NTSR1: variants seen among roughly 807,000 people sequenced by gnomAD.
NTSR1 encodes the protein neurotensin receptor type 1.
Under a neutral mutation model 31.2 loss-of-function variants are expected in NTSR1, and 29 were observed. The observed-to-expected ratio is 0.93, with a 90% CI of 0.69 to 1.27. The LOEUF is 1.27. NTSR1 is among the 50% of genes most tolerant of loss of function. The pLI is 0.00. For synonymous variants in NTSR1, 282 were observed against 269.9 expected (o/e 1.04, Z -0.44); for missense variants, 697 against 595.4 (o/e 1.17, Z -1.78).
chr20:62,760,736 G>A lies in NTSR1; in HGVS notation c.*469G>A, dbSNP rs750678523. ...GGGGAGTCCAGCCCCAGTCCCGCAGGCTCCGTGGCTTTGGGCCTCACGTGC... is the reference window on the plus strand; with the variant it reads ...GGGGAGTCCAGCCCCAGTCCCGCAGACTCCGTGGCTTTGGGCCTCACGTGC... On this transcript the variant is annotated 3_prime_UTR_variant, in exon 4 of 4. Coordinates refer to ENST00000370501, the MANE Select transcript of NTSR1 (RefSeq NM_002531.3). 7 of 152,418 alleles carry A rather than the reference G, an allele frequency of 4.6e-5. No homozygotes were observed. The highest frequency in any genetic ancestry group is 1.9e-4 in the South Asian group (1 of 5,154). The allele number at this position is 152,418 out of a possible 1,614,324, so 9.4% of individuals were successfully genotyped here. A position where few individuals can be genotyped will look rare whatever the true frequency, so the allele number is the denominator to read the frequency against.
chr20:62,740,885 CG>C (rs1989193581), intron 1 of NTSR1, among the ~76,000 whole-genome samples: 1 of 152,236 alleles, frequency 6.6e-6, no homozygotes, highest in African/African-American at 2.4e-5. Flanking sequence ...CAGCCTCAAC[CG>C]CTGGCTGTCA....
chr20:62,750,343 T>C (rs1004438879), intron 1 of NTSR1, among the ~76,000 whole-genome samples: 2 of 152,140 alleles, frequency 1.3e-5, no homozygotes, highest in Admixed American at 1.3e-4. Flanking sequence ...GTTTCAGTTA[T>C]AAGGCGAGTA....
At chr20:62,719,277 T>C (rs1464940374) in intron 1 of NTSR1, among the ~76,000 whole-genome samples, 1 of 152,222 alleles carries the variant, frequency 6.6e-6, no homozygotes, top group African/African-American at 2.4e-5. Flanking sequence ...TGTCTCATCA[T>C]GTGGCAAGAT....
chr20:62,735,965 T>C (rs542732515), intron 1 of NTSR1, among the ~76,000 whole-genome samples: 9 of 152,388 alleles, frequency 5.9e-5, no homozygotes, highest in African/African-American at 2.2e-4. Context: ...ATTCAGATTC[T>C]GTATTCAACT....
Position 62,760,298 on chromosome 20 carries a change from G to C in NTSR1, c.*31G>C. The C allele has an allele frequency of 6.4e-7, 1 of 1,574,432 alleles. No homozygotes were observed. The highest frequency in any genetic ancestry group is 8.6e-7 in the Non-Finnish European group (1 of 1,159,026). Reference sequence around the variant, plus strand: ...GCGCCCCGGAACGTGTCCAGGAGGAGCCTGGCCATGGGTCCTTGCCCCCGA... The same window carrying C: ...GCGCCCCGGAACGTGTCCAGGAGGACCCTGGCCATGGGTCCTTGCCCCCGA... On this transcript the variant is annotated 3_prime_UTR_variant, in exon 4 of 4. Transcript: ENST00000370501.
chr20:62,722,777 C>T (rs747209754), intron 1 of NTSR1, among the ~76,000 whole-genome samples: 209 of 152,346 alleles, frequency 1.4e-3, no homozygotes, highest in Non-Finnish European at 2.6e-3. Context: ...CTGCCTGATA[C>T]ATCGTGTACA....
Position 62,726,694 on chromosome 20 carries a change from C to CAAAAA in NTSR1, c.714+16784_714+16788dup, listed in dbSNP as rs11445641. ...TGGACGGCAGAGCAGGAACCTGTCT[C>CAAAAA]AAAAAAAAAAAAAAATGGTGGGAAT... is the stretch of plus-strand genomic sequence containing the variant. On this transcript the variant is annotated intron_variant, in intron 1 of 3. Coordinates refer to ENST00000370501, the MANE Select transcript of NTSR1 (RefSeq NM_002531.3). Among the ~76,000 whole-genome samples, 3 of 142,564 alleles carry CAAAAA rather than the reference C, an allele frequency of 2.1e-5. No individual in the cohort carries two copies. The South Asian group carries it at 6.7e-4, about 32-fold the overall frequency. The allele number at this position is 142,564 out of a possible 152,430, so 93.5% of individuals were successfully genotyped here.
At position 62,760,289 on chromosome 20, in the gene NTSR1, C is replaced by A. The variant is rs201891030; in HGVS notation, c.*22C>A. 3 of 1,581,320 alleles carry A rather than the reference C, an allele frequency of 1.9e-6. No individual in the cohort carries two copies. In the African/African-American group the frequency reaches 4.0e-5, roughly 21 times the overall value. On this transcript the variant is annotated 3_prime_UTR_variant, in exon 4 of 4. Coordinates refer to ENST00000370501, the MANE Select transcript of NTSR1 (RefSeq NM_002531.3). ...CTAGGCTGTGCGCCCCGGAACGTGT[C>A]CAGGAGGAGCCTGGCCATGGGTCCT...
At chr20:62,737,497 G>A (rs1160093441) in intron 1 of NTSR1, among the ~76,000 whole-genome samples, 1 of 152,162 alleles carries the variant, frequency 6.6e-6, no homozygotes, top group African/African-American at 2.4e-5. Flanking sequence ...CCTCTGTGGG[G>A]CCACTTGTCC....
intron 1 of NTSR1, among the ~76,000 whole-genome samples, chr20:62,739,003 A>C (rs1351169495): frequency 6.6e-6 from 1 of 152,178 alleles, no homozygotes; most frequent in Middle Eastern, 3.2e-3. Flanking sequence ...TATCTTTTAC[A>C]CACGCGTGTT....
intron 1 of NTSR1, among the ~76,000 whole-genome samples, chr20:62,754,228 T>G (rs1292254266): frequency 6.6e-6 from 1 of 152,186 alleles, no homozygotes; most frequent in Non-Finnish European, 1.5e-5. Flanking sequence ...GAGAACTGTC[T>G]GCACACAGCT....
At position 62,744,220 on chromosome 20, in the gene NTSR1, C is replaced by A. The variant is rs1568707265; in HGVS notation, c.715-10465C>A. 6.6e-6 allele frequency among the ~76,000 whole-genome samples: 1 copy of A among 152,104 alleles called. No homozygotes were observed. The highest frequency in any genetic ancestry group is 1.5e-5 in the Non-Finnish European group (1 of 68,022). Reference sequence around the variant, plus strand: ...CACCCAAGGGAGCACAGTCAGTGCTCCAGGAACTGAGGCAGCACCTCTAGG... The same window carrying A: ...CACCCAAGGGAGCACAGTCAGTGCTACAGGAACTGAGGCAGCACCTCTAGG... On this transcript the variant is annotated intron_variant, in intron 1 of 3. Coordinates refer to ENST00000370501, the MANE Select transcript of NTSR1 (RefSeq NM_002531.3). The surrounding 1 kb of genome is among the most constrained non-coding windows in gnomAD (Gnocchi z 4.1).
rs964686822 is a variant in NTSR1, at chr20:62,710,030, ACTC to A, written c.714+112_714+114del. 7.8e-5 allele frequency: 77 copies of A among 982,722 alleles called. No individual in the cohort carries two copies. The African/African-American group carries it at 1.3e-3, about 16-fold the overall frequency. 60.9% of individuals were successfully genotyped at this position (982,722 alleles called of 1,614,324 possible). A position where few individuals can be genotyped will look rare whatever the true frequency, so the allele number is the denominator to read the frequency against. ...GGGAGAGATGTCACAGAGACAGTCT[ACTC>A]CTGCGAGGCTGGGAAGGCGGTTGGG... On this transcript the variant is annotated intron_variant, in intron 1 of 3. Transcript: ENST00000370501.
At chr20:62,720,631 T>C (rs995061954) in intron 1 of NTSR1, among the ~76,000 whole-genome samples, 1 of 152,156 alleles carries the variant, frequency 6.6e-6, no homozygotes, top group Non-Finnish European at 1.5e-5. Context: ...TCTTTTAGCT[T>C]TCAATTTTAT....
intron 1 of NTSR1, among the ~76,000 whole-genome samples, chr20:62,710,163 G>T (rs1467544914): frequency 6.6e-6 from 1 of 152,232 alleles, no homozygotes; most frequent in African/African-American, 2.4e-5. Context: ...GTTGGTGGCT[G>T]GGCCTCGGAC....
At position 62,741,214 on chromosome 20, in the gene NTSR1, C is replaced by G. The variant is rs541316338; in HGVS notation, c.715-13471C>G. On this transcript the variant is annotated intron_variant, in intron 1 of 3. Transcript: ENST00000370501. The surrounding 1 kb of genome is among the most constrained non-coding windows in gnomAD (Gnocchi z 4.3). ...TGCTAAGTCAGGGGTCTCCCGGCAG[C>G]CAGGCTGCTGCCAGTCCCGCAGCTC... is the stretch of plus-strand genomic sequence containing the variant. Among the ~76,000 whole-genome samples, 8 of 152,072 alleles carry G rather than the reference C, an allele frequency of 5.3e-5. No individual in the cohort carries two copies. The South Asian group carries it at 1.5e-3, about 28-fold the overall frequency.
Position 62,733,996 on chromosome 20 carries a change from G to A in NTSR1, c.715-20689G>A, listed in dbSNP as rs1206844035. ...TTGGGTGCTGAGCCAGCCCAGCTTGGAGGGGGTTTCGTTTCACAGATGAGG... is the reference window on the plus strand; with the variant it reads ...TTGGGTGCTGAGCCAGCCCAGCTTGAAGGGGGTTTCGTTTCACAGATGAGG... On this transcript the variant is annotated intron_variant, in intron 1 of 3. Coordinates refer to ENST00000370501, the MANE Select transcript of NTSR1 (RefSeq NM_002531.3). This position sits in a 1 kb window ranked among gnomAD's most constrained non-coding sequence, Gnocchi z 5.2. Among the ~76,000 whole-genome samples, 1 of 152,234 alleles carries A rather than the reference G, an allele frequency of 6.6e-6. No homozygotes were observed. Among genetic ancestry groups the A allele is most frequent in the Non-Finnish European group, 1.5e-5 (1 of 68,042 alleles).
chr20:62,709,258 C>G lies in NTSR1; in HGVS notation c.51C>G (p.Asp17Glu). The G allele has an allele frequency of 6.5e-7, 1 of 1,539,164 alleles. No individual in the cohort carries two copies. Among genetic ancestry groups the G allele is most frequent in the Non-Finnish European group, 8.7e-7 (1 of 1,149,212 alleles). Reference sequence around the variant, plus strand: ...GAACCCCGGGCACGCCGGCCGCCGACCCCTTCCAGCGGGCGCAGGCCGGAC... The same window carrying G: ...GAACCCCGGGCACGCCGGCCGCCGAGCCCTTCCAGCGGGCGCAGGCCGGAC... ...APGTPGTPAA[D>E]PFQRAQAGLE... is the part of the protein sequence containing the mutation. Residue 17 changes from aspartate (D) to glutamate (E), a missense_variant, in exon 1 of 4, where the codon GAC (aspartate) becomes GAG (glutamate). Asp to Glu is a conservative substitution (Grantham distance 45). Transcript: ENST00000370501.
rs1056133517 is a variant in NTSR1, at chr20:62,711,998, T to C, written c.714+2077T>C. ...CACCCTTGGAGAACGTAGTTTCCATTTTTCTTTAAAGGGCTCAGCTGCGTG... is the reference window on the plus strand; with the variant it reads ...CACCCTTGGAGAACGTAGTTTCCATCTTTCTTTAAAGGGCTCAGCTGCGTG... On this transcript the variant is annotated intron_variant, in intron 1 of 3. Transcript: ENST00000370501. The surrounding 1 kb of genome is among the most constrained non-coding windows in gnomAD (Gnocchi z 6.4). 2.0e-5 allele frequency among the ~76,000 whole-genome samples: 3 copies of C among 152,172 alleles called. No homozygotes were observed. The highest frequency in any genetic ancestry group is 2.9e-5 in the Non-Finnish European group (2 of 68,020).
Sources: gnomAD v4.1 joint callset for allele counts (sites outside exome capture counted in the v4.1 genomes callset) on GRCh38, gnomAD v4.1.1 for gene constraint, Gnocchi (gnomAD v3.1) non-coding constraint, MANE v1.5 for transcripts, NCBI Gene and HGNC (gene_info 2026-07-23, HGNC 2026-07-21) for gene names.